Variants in DGKG observed in about 807,000 individuals in gnomAD.
DGKG encodes the protein diacylglycerol kinase gamma.
A neutral mutation model predicts 105.3 loss-of-function variants in DGKG; 78 were observed. The ratio of observed to expected loss-of-function variants is 0.74; its 90% CI spans 0.62 to 0.89. The LOEUF (loss-of-function observed/expected upper bound fraction) is 0.89, where lower values mean the gene tolerates loss of function less well. DGKG is among the 40% of genes least tolerant of loss of function. The probability of loss-of-function intolerance (pLI) is 0.00; values close to 1 mark genes in which losing one functional copy is unlikely to be tolerated. For missense variants in DGKG, 958 were observed against 1,020.1 expected, an observed-to-expected ratio of 0.94 and a Z score of 0.83; for synonymous variants, 346 against 367.1, an observed-to-expected ratio of 0.94 and a Z score of 0.66.
intron 3 of DGKG, 55 bp downstream of exon 3, chr3:186,306,846 G>A (rs1724264607): frequency 8.0e-7 from 1 of 1,254,712 alleles, no homozygotes; most frequent in South Asian, 1.2e-5. Context: ...AACAAATTAT[G>A]GAAAGGCTAA....
Position 186,268,927 on chromosome 3 carries a change from G to A in DGKG, c.1000-10C>T. ...ATGCGTGCTGCATCACCTGCGGGAG[G>A]GAAGCGAACGATGCCAGGGAAAATG... On this transcript the variant is annotated splice_polypyrimidine_tract_variant and intron_variant, in intron 11 of 24. Coordinates refer to ENST00000265022, the MANE Select transcript of DGKG (RefSeq NM_001346.3). The A allele has an allele frequency of 6.3e-7, 1 of 1,596,342 alleles. No homozygotes were observed. The highest frequency in any genetic ancestry group is 8.6e-7 in the Non-Finnish European group (1 of 1,164,348).
At chr3:186,286,149 T>C (rs1275521228) in intron 6 of DGKG, among the ~76,000 whole-genome samples, 1 of 152,196 alleles carries the variant, frequency 6.6e-6, no homozygotes. Context: ...TCTCTGCACC[T>C]TGTGTTTTTT....
At chr3:186,355,332 TATCACC>T in intron 1 of DGKG, among the ~76,000 whole-genome samples, 1 of 26,920 alleles carries the variant, frequency 3.7e-5, no homozygotes, top group Admixed American at 5.1e-4. Context: ...CCATCACCAC[TATCACC>T]ACCACCAACA....
At chr3:186,308,414 T>C (rs976455830) in intron 2 of DGKG, among the ~76,000 whole-genome samples, 8 of 152,308 alleles carry the variant, frequency 5.3e-5, no homozygotes, top group African/African-American at 1.9e-4. Context: ...CCAAGCTCCA[T>C]TATTGTTGCT....
chr3:186,247,233 C>T (rs1033557184), intron 19 of DGKG, among the ~76,000 whole-genome samples: 2 of 152,300 alleles, frequency 1.3e-5, no homozygotes, highest in East Asian at 3.9e-4. Flanking sequence ...AGGGCACAGT[C>T]ACTCCCTGGA....
intron 23 of DGKG, among the ~76,000 whole-genome samples, chr3:186,163,449 T>C (rs776037338): frequency 2.0e-5 from 3 of 152,148 alleles, no homozygotes; most frequent in Non-Finnish European, 2.9e-5. Context: ...TTATCACCCA[T>C]TGACATAGAA....
intron 24 of DGKG, chr3:186,158,904 A>G (rs1716158683): frequency 1.1e-6 from 1 of 929,106 alleles, no homozygotes; most frequent in South Asian, 5.0e-5. Context: ...AGGCACATGG[A>G]AAGGTTAGTT....
chr3:186,238,220 T>C (rs577257959), intron 20 of DGKG, among the ~76,000 whole-genome samples: 20 of 141,682 alleles, frequency 1.4e-4, no homozygotes, highest in African/African-American at 5.0e-4. Flanking sequence ...CACCTGAACC[T>C]GAGAGGCAAA....
chr3:186,225,151 A>G (rs1425202723), intron 20 of DGKG, among the ~76,000 whole-genome samples: 1 of 151,354 alleles, frequency 6.6e-6, no homozygotes, highest in Non-Finnish European at 1.5e-5. Flanking sequence ...CTGGAGTGCA[A>G]GTGGTACGAT....
chr3:186,317,778 A>G (rs1231617989), intron 2 of DGKG, among the ~76,000 whole-genome samples: 1 of 152,140 alleles, frequency 6.6e-6, no homozygotes, highest in Non-Finnish European at 1.5e-5. Context: ...CCCGTGCTTG[A>G]GTCCTGTTTG....
rs546284265 is a variant in DGKG at position 186,342,336 on chromosome 3, G to T, written c.-249+19610C>A. Reference sequence around the variant, plus strand: ...TCATTATGAGCATTTTCTACAGGCCGCTTGGCCACAGGAAGAAATGGAGGG... The same window carrying T: ...TCATTATGAGCATTTTCTACAGGCCTCTTGGCCACAGGAAGAAATGGAGGG... On this transcript the variant is annotated intron_variant, in intron 1 of 24. Transcript: ENST00000265022. 2.6e-5 allele frequency among the ~76,000 whole-genome samples: 4 copies of T among 152,246 alleles called. No individual in the cohort carries two copies. The East Asian group carries it at 7.7e-4, about 29-fold the overall frequency.
chr3:186,249,686 A>C (rs1721114575), intron 19 of DGKG, among the ~76,000 whole-genome samples: 1 of 152,142 alleles, frequency 6.6e-6, no homozygotes, highest in South Asian at 2.1e-4. Context: ...TACTAAAAAT[A>C]CAAAAATTAG....
At chr3:186,179,733 C>T (rs183958636) in intron 22 of DGKG, among the ~76,000 whole-genome samples, 29 of 152,270 alleles carry the variant, frequency 1.9e-4, no homozygotes, top group African/African-American at 5.5e-4. Context: ...GAGAGGTCTG[C>T]GGAAACAGAC....
intron 1 of DGKG, among the ~76,000 whole-genome samples, chr3:186,352,209 C>A (rs945365024): frequency 1.9e-4 from 29 of 152,092 alleles, no homozygotes; most frequent in African/African-American, 7.2e-5. Context: ...TGTAAGCCAC[C>A]CCCCTGCTTG....
At chr3:186,290,854 G>A (rs1404935150) in intron 5 of DGKG, among the ~76,000 whole-genome samples, 6 of 152,206 alleles carry the variant, frequency 3.9e-5, no homozygotes, top group African/African-American at 9.6e-5. Context: ...TAGCACACTT[G>A]TGGAAGGAAA....
intron 21 of DGKG, among the ~76,000 whole-genome samples, chr3:186,194,627 G>A (rs1047837065): frequency 1.3e-5 from 2 of 152,068 alleles, no homozygotes; most frequent in Non-Finnish European, 2.9e-5. Flanking sequence ...CCTGCCACTC[G>A]GCTTTGTCTG....
chr3:186,318,687 C>T (rs929928279), intron 2 of DGKG, among the ~76,000 whole-genome samples: 11 of 152,210 alleles, frequency 7.2e-5, no homozygotes, highest in Middle Eastern at 3.4e-3. Flanking sequence ...AGGGAGAATA[C>T]GGCCATCCGC....
intron 20 of DGKG, among the ~76,000 whole-genome samples, chr3:186,230,488 A>G (rs1349676974): frequency 6.6e-6 from 1 of 152,190 alleles, no homozygotes; most frequent in Non-Finnish European, 1.5e-5. Flanking sequence ...TAACAGAGCA[A>G]GCAAGCAAGA....
chr3:186,177,026 G>A (rs764228876), intron 22 of DGKG, among the ~76,000 whole-genome samples: 9 of 152,198 alleles, frequency 5.9e-5, no homozygotes, highest in Non-Finnish European at 1.0e-4. Context: ...AGTGTCCTCT[G>A]TCCATCCCTT....
Sources: gnomAD v4.1 joint callset for allele counts (sites outside exome capture counted in the v4.1 genomes callset) on GRCh38, gnomAD v4.1.1 for gene constraint, MANE v1.5 for transcripts, NCBI Gene and HGNC (gene_info 2026-07-23, HGNC 2026-07-21) for gene names.